The following PPM1L variants were observed in gnomAD, a reference collection of about 807,000 sequenced individuals.
PPM1L encodes protein phosphatase 1L.
Under a neutral mutation model 31.4 loss-of-function variants are expected in PPM1L, and 13 were observed. That is an observed-to-expected ratio of 0.41 (90% CI 0.27 to 0.66). PPM1L has a LOEUF of 0.66. Ranked by LOEUF, PPM1L falls within the 30% of genes least tolerant of loss-of-function variation. The pLI, the probability that PPM1L is intolerant of heterozygous loss-of-function variation, is 0.29. For missense variants in PPM1L, 326 were observed against 453.7 expected (o/e 0.72, Z 2.56); for synonymous variants, 184 against 175.4 (o/e 1.05, Z -0.39).
Position 160,849,917 on chromosome 3 carries a change from C to T in PPM1L, c.399+93210C>T, listed in dbSNP as rs117393882. Among the ~76,000 whole-genome samples the T allele has an allele frequency of 2.0e-3, 297 of 152,298 alleles. 8 individuals are homozygous for T. The East Asian group carries it at 0.05, about 26-fold the overall frequency. On this transcript the variant is annotated intron_variant, in intron 1 of 3. Coordinates refer to ENST00000498165, the MANE Select transcript of PPM1L (RefSeq NM_139245.4). ...ACACTCACACCCAACACTGATACTTCGCTTCTGGCCACTAAAATATGTGGA... is the reference window on the plus strand; with the variant it reads ...ACACTCACACCCAACACTGATACTTTGCTTCTGGCCACTAAAATATGTGGA...
chr3:161,055,490 A>G (rs1055126386), intron 2 of PPM1L, among the ~76,000 whole-genome samples: 2 of 152,056 alleles, frequency 1.3e-5, no homozygotes, highest in Non-Finnish European at 2.9e-5. Context: ...GTTGCACTCC[A>G]ATGTAATTTC....
intron 1 of PPM1L, among the ~76,000 whole-genome samples, chr3:160,892,650 C>T (rs1447618): frequency 0.41 from 61,426 of 151,522 alleles, 14,329 homozygotes; most frequent in Non-Finnish European, 0.54. Context: ...ATTGGGGTTT[C>T]GTATTATGAA....
chr3:160,808,056 T>C (rs996233880), intron 1 of PPM1L, among the ~76,000 whole-genome samples: 3 of 152,180 alleles, frequency 2.0e-5, no homozygotes, highest in African/African-American at 7.2e-5. Flanking sequence ...TATTGGAAAA[T>C]CTCTTTTAGT....
intron 2 of PPM1L, among the ~76,000 whole-genome samples, chr3:160,970,828 C>T (rs1484344671): frequency 4.4e-5 from 5 of 113,426 alleles, no homozygotes; most frequent in South Asian, 2.8e-4. Context: ...GTCTCGCTGT[C>T]GCCCAGGCTG....
In PPM1L at chr3:161,065,511, C is replaced by G; in HGVS notation, c.683C>G (p.Ser228Cys). The change falls in exon 3 of 4, where the codon TCT becomes TGT. Residue 228 changes from serine to cysteine, a missense_variant. By Grantham distance (112) the Ser-to-Cys change is moderately radical. Coordinates refer to ENST00000498165, the MANE Select transcript of PPM1L (RefSeq NM_139245.4). The stretch of plus-strand genomic sequence containing the variant: ...AAAGATGGGAACGCTATTCCTTTGT[C>G]TCATGATCACAAGCCTTACCAGTTG... ...CDKDGNAIPL[S>C]HDHKPYQLKE... The G allele has an allele frequency of 6.2e-7, 1 of 1,614,062 alleles. No individual in the cohort carries two copies.
rs140017218 is a variant in PPM1L at position 160,816,064 on chromosome 3, G to C, written c.399+59357G>C. Among the ~76,000 whole-genome samples, 849 of 152,232 alleles carry C rather than the reference G, an allele frequency of 5.6e-3. 5 individuals are homozygous for C. Among genetic ancestry groups the C allele is most frequent in the African/African-American group, 0.02 (811 of 41,550 alleles). On this transcript the variant is annotated intron_variant, in intron 1 of 3. Coordinates refer to ENST00000498165, the MANE Select transcript of PPM1L (RefSeq NM_139245.4). The stretch of plus-strand genomic sequence containing the variant: ...AAATATACCATCAGCATACAAATGA[G>C]CTTCCCTTTTCCATAGATCTCTTAA...
chr3:160,860,764 G>C (rs958743291), intron 1 of PPM1L, among the ~76,000 whole-genome samples: 1 of 152,156 alleles, frequency 6.6e-6, no homozygotes, highest in Non-Finnish European at 1.5e-5. Context: ...TGGCAGATCT[G>C]GTGTCTGATG....
At chr3:160,808,468 A>C (rs1712707995) in intron 1 of PPM1L, among the ~76,000 whole-genome samples, 1 of 151,282 alleles carries the variant, frequency 6.6e-6, no homozygotes, top group Non-Finnish European at 1.5e-5. Context: ...AGTGCAGGTA[A>C]CATGGTAGAG....
At chr3:160,915,687 C>T (rs1714145525) in intron 1 of PPM1L, among the ~76,000 whole-genome samples, 1 of 152,206 alleles carries the variant, frequency 6.6e-6, no homozygotes. Flanking sequence ...AACCAAACAG[C>T]ATGGTACTGG....
intron 2 of PPM1L, among the ~76,000 whole-genome samples, chr3:160,968,739 G>A (rs114162643): frequency 0.019 from 2,838 of 152,210 alleles, 80 homozygotes; most frequent in African/African-American, 0.063. Flanking sequence ...CCATGGGAGC[G>A]GAAGTCTGGA....
chr3:160,973,560 G>A (rs919513491), intron 2 of PPM1L, among the ~76,000 whole-genome samples: 11 of 152,130 alleles, frequency 7.2e-5, no homozygotes, highest in Admixed American at 7.2e-4. Flanking sequence ...AAAGTGCCAG[G>A]ATTTCTAATG....
intron 1 of PPM1L, among the ~76,000 whole-genome samples, chr3:160,875,296 CTTG>C (rs1341169086): frequency 1.3e-5 from 2 of 152,142 alleles, no homozygotes; most frequent in African/African-American, 2.4e-5. Flanking sequence ...TGTAAAATTA[CTTG>C]GCTGGAATAA....
At position 160,996,267 on chromosome 3, in the gene PPM1L, G is replaced by A. The variant is rs371940805; in HGVS notation, c.574+34357G>A. Among the ~76,000 whole-genome samples, 8 of 152,278 alleles carry A rather than the reference G, an allele frequency of 5.3e-5. No homozygotes were observed. The South Asian group carries it at 1.2e-3, about 24-fold the overall frequency. On this transcript the variant is annotated intron_variant, in intron 2 of 3. Coordinates refer to ENST00000498165, the MANE Select transcript of PPM1L (RefSeq NM_139245.4). ...AGAACTAAAAGTAGAGCTACCATTC[G>A]ATCCAGCAATCCCACTACTGGGTAT...
At chr3:160,881,912 G>A (rs994526363) in intron 1 of PPM1L, among the ~76,000 whole-genome samples, 3 of 152,256 alleles carry the variant, frequency 2.0e-5, no homozygotes, top group South Asian at 2.1e-4. Context: ...TTAGCCGGGC[G>A]TGGTAACAGG....
intron 2 of PPM1L, among the ~76,000 whole-genome samples, chr3:161,058,036 T>C (rs1719462154): frequency 6.6e-6 from 1 of 151,670 alleles, no homozygotes; most frequent in South Asian, 2.1e-4. Context: ...CGTCTTGTTT[T>C]TGAGTTCCAG....
intron 1 of PPM1L, among the ~76,000 whole-genome samples, chr3:160,895,430 C>T (rs972178076): frequency 4.6e-5 from 7 of 152,004 alleles, no homozygotes; most frequent in Non-Finnish European, 8.8e-5. Flanking sequence ...ATTGCCCAGG[C>T]TGGTCTCAAA....
intron 1 of PPM1L, among the ~76,000 whole-genome samples, chr3:160,952,259 AATG>A (rs1715597544): frequency 6.6e-6 from 1 of 152,204 alleles, no homozygotes; most frequent in African/African-American, 2.4e-5. Context: ...GTCAAAAGTT[AATG>A]ATATGTTACC....
intron 1 of PPM1L, among the ~76,000 whole-genome samples, chr3:160,854,729 A>G (rs567214543): frequency 1.3e-5 from 2 of 152,300 alleles, no homozygotes; most frequent in East Asian, 3.9e-4. Context: ...AATGAAAAAA[A>G]CATTCCATGC....
At chr3:160,984,179 C>T (rs1198477861) in intron 2 of PPM1L, among the ~76,000 whole-genome samples, 3 of 152,210 alleles carry the variant, frequency 2.0e-5, no homozygotes, top group South Asian at 2.1e-4. Context: ...TCATCCCTAT[C>T]TACATCTGCA....
Sources: allele counts gnomAD v4.1 joint callset (sites outside exome capture counted in the v4.1 genomes callset), GRCh38; gene constraint gnomAD v4.1.1; transcripts MANE v1.5; gene names NCBI Gene and HGNC (gene_info 2026-07-23, HGNC 2026-07-21).